SCAMP1: variants seen among roughly 807,000 people sequenced by gnomAD.
The protein encoded by SCAMP1 is secretory carrier-associated membrane protein 1.
SCAMP1 carries 15 observed loss-of-function variants against 41.8 expected under a neutral mutation model. That is an observed-to-expected ratio of 0.36 (90% CI 0.24 to 0.55). The LOEUF is 0.55. Ranked by LOEUF, SCAMP1 falls within the 20% of genes least tolerant of loss-of-function variation. The pLI is 0.86. For synonymous variants in SCAMP1, 135 were observed against 136.8 expected (o/e 0.99, Z 0.09); for missense variants, 341 against 412.6 (o/e 0.83, Z 1.50).
intron 1 of SCAMP1, among the ~76,000 whole-genome samples, chr5:78,365,957 A>G (rs928460130): frequency 2.0e-5 from 3 of 152,190 alleles, no homozygotes; most frequent in Non-Finnish European, 4.4e-5. Context: ...AACAAAGTAT[A>G]GTACCTCACA....
intron 7 of SCAMP1, among the ~76,000 whole-genome samples, chr5:78,456,783 C>G: frequency 7.6e-6 from 1 of 132,320 alleles, no homozygotes; most frequent in Non-Finnish European, 1.6e-5. Flanking sequence ...AGAGTGTTTT[C>G]CAACTTGGTT....
intron 2 of SCAMP1, among the ~76,000 whole-genome samples, chr5:78,391,631 G>T (rs1447124667): frequency 6.6e-6 from 1 of 152,168 alleles, no homozygotes; most frequent in African/African-American, 2.4e-5. Flanking sequence ...CTGCACTCCC[G>T]GCACTTTGGG....
chr5:78,413,960 TTTC>T (rs1442152138), intron 2 of SCAMP1, among the ~76,000 whole-genome samples: 1 of 152,038 alleles, frequency 6.6e-6, no homozygotes, highest in Non-Finnish European at 1.5e-5. Context: ...CTTTCTTTCC[TTTC>T]TTCTTTTCTT....
chr5:78,362,660 T>C (rs1377152103), intron 1 of SCAMP1, among the ~76,000 whole-genome samples: 3 of 152,226 alleles, frequency 2.0e-5, no homozygotes, highest in African/African-American at 7.2e-5. Context: ...ATGATCTTTC[T>C]CTGTTTTTGG....
rs1222825718 is a variant in SCAMP1 at position 78,421,895 on chromosome 5, G to A, written c.567G>A (p.Leu189=). The change falls in exon 6 of 9, where the codon CTG becomes CTA. Residue 189 remains leucine, a synonymous_variant. Coordinates refer to ENST00000621999, the MANE Select transcript of SCAMP1 (RefSeq NM_004866.6). ...ARAVDFGLSI[L]WFLLFTPCSF... ...CGGTTGATTTTGGATTGAGTATCCT[G>A]TGGTTCTTGCTTTTTACTCCTTGTT... 4.3e-6 allele frequency: 7 copies of A among 1,613,620 alleles called. No individual in the cohort carries two copies. The highest frequency in any genetic ancestry group is 5.1e-6 in the Non-Finnish European group (6 of 1,179,734).
intron 8 of SCAMP1, among the ~76,000 whole-genome samples, chr5:78,463,869 C>CT (rs33923232): frequency 0.79 from 119,045 of 150,060 alleles, 47,565 homozygotes; most frequent in East Asian, 0.92. Context: ...CTTAATGAAG[C>CT]TTTTTTTTTT....
At chr5:78,401,190 C>T (rs1295611673) in intron 2 of SCAMP1, among the ~76,000 whole-genome samples, 1 of 151,924 alleles carries the variant, frequency 6.6e-6, no homozygotes, top group African/African-American at 2.4e-5. Flanking sequence ...GAGAAAATCC[C>T]ACTTGGTTTT....
intron 8 of SCAMP1, among the ~76,000 whole-genome samples, chr5:78,472,472 G>A (rs1753909202): frequency 6.6e-6 from 1 of 151,694 alleles, no homozygotes; most frequent in African/African-American, 2.4e-5. Context: ...TCAGCAGTAT[G>A]AATTATTAAT....
intron 6 of SCAMP1, among the ~76,000 whole-genome samples, chr5:78,429,741 T>TA (rs1752556807): frequency 1.3e-5 from 2 of 152,120 alleles, no homozygotes; most frequent in Non-Finnish European, 2.9e-5. Context: ...TTGGACAGAA[T>TA]ACTGAAATGG....
At chr5:78,423,058 A>G (rs2112150676) in intron 6 of SCAMP1, among the ~76,000 whole-genome samples, 1 of 152,254 alleles carries the variant, frequency 6.6e-6, no homozygotes, top group South Asian at 2.1e-4. Context: ...ACACAGAGTT[A>G]GAAACCCAGA....
At position 78,368,956 on chromosome 5, in the gene SCAMP1, G is replaced by A. The variant is rs1270775774; in HGVS notation, c.57+8228G>A. Among the ~76,000 whole-genome samples the A allele has an allele frequency of 2.6e-5, 4 of 151,910 alleles. No homozygotes were observed. In the East Asian group the frequency reaches 5.9e-4, roughly 22 times the overall value. On this transcript the variant is annotated intron_variant, in intron 1 of 8. Coordinates refer to ENST00000621999, the MANE Select transcript of SCAMP1 (RefSeq NM_004866.6). ...GGCCTGACAATGCTCTTTTGGTAGG[G>A]CATTCTCCAGCACTTGCAGAAATTC... is the stretch of plus-strand genomic sequence containing the variant.
rs980115732 is a variant in SCAMP1, at chr5:78,412,051, C to T, written c.136-3469C>T. ...TTTTTCTTTTGTATTTTGTAAGCTG[C>T]CTGTTCAGAGTTTTTAAAAATGCAG... On this transcript the variant is annotated intron_variant, in intron 2 of 8. Coordinates refer to ENST00000621999, the MANE Select transcript of SCAMP1 (RefSeq NM_004866.6). Among the ~76,000 whole-genome samples, 316 of 151,708 alleles carry T rather than the reference C, an allele frequency of 2.1e-3. 1 individual carries two copies. The highest frequency in any genetic ancestry group is 7.3e-3 in the African/African-American group (303 of 41,280).
chr5:78,456,658 G>A (rs993624428), intron 7 of SCAMP1, among the ~76,000 whole-genome samples: 2 of 150,594 alleles, frequency 1.3e-5, no homozygotes, highest in African/African-American at 4.9e-5. Flanking sequence ...TGACAATAAT[G>A]TGTCTTGGAG....
At chr5:78,455,133 A>G (rs2112220033) in intron 7 of SCAMP1, among the ~76,000 whole-genome samples, 1 of 150,586 alleles carries the variant, frequency 6.6e-6, no homozygotes, top group Admixed American at 6.6e-5. Flanking sequence ...TCAAAAAACC[A>G]GCTCCTGGAT....
At chr5:78,437,082 C>A (rs1359750875) in intron 6 of SCAMP1, among the ~76,000 whole-genome samples, 2 of 152,166 alleles carry the variant, frequency 1.3e-5, no homozygotes, top group African/African-American at 2.4e-5. Flanking sequence ...TATCCTGAGA[C>A]TTTGCTGAAG....
chr5:78,417,070 A>G (rs1752228020), intron 4 of SCAMP1, among the ~76,000 whole-genome samples: 1 of 152,194 alleles, frequency 6.6e-6, no homozygotes, highest in Non-Finnish European at 1.5e-5. Flanking sequence ...ATTTTGTCAA[A>G]TCATGTTAGA....
At chr5:78,420,115 G>T (rs1752304662) in intron 5 of SCAMP1, among the ~76,000 whole-genome samples, 1 of 152,050 alleles carries the variant, frequency 6.6e-6, no homozygotes. Flanking sequence ...GAGTGCAATG[G>T]CACGATCTTG....
At position 78,459,352 on chromosome 5, in the gene SCAMP1, T is replaced by C. The variant is rs1246887768; in HGVS notation, c.842T>C (p.Met281Thr). The change falls in exon 8 of 9, where the codon ATG becomes ACG. Residue 281 changes from methionine (M) to threonine (T), a missense_variant. Met to Thr is a moderately conservative substitution (Grantham distance 81, BLOSUM62 -1). Coordinates refer to ENST00000621999, the MANE Select transcript of SCAMP1 (RefSeq NM_004866.6). ...GCATCAGCAGTCATCTCACTAGTTA[T>C]GTTCAAAAAAGTAAGTGAAATTTTA... ...FTASAVISLVMFKKVHGLYRT... is the reference protein window; with the variant it reads ...FTASAVISLVTFKKVHGLYRT... 2.0e-6 allele frequency: 3 copies of C among 1,514,168 alleles called. No individual in the cohort carries two copies. The highest frequency in any genetic ancestry group is 1.8e-5 in the Admixed American group (1 of 56,804). The allele number at this position is 1,514,168 out of a possible 1,614,324, so 93.8% of individuals were successfully genotyped here.
chr5:78,459,116 A>G (rs1244644675), intron 7 of SCAMP1, 129 bp from the exon 8 acceptor site: 1 of 633,340 alleles, frequency 1.6e-6, no homozygotes, highest in Non-Finnish European at 2.8e-6. Context: ...TGAGAATTAA[A>G]TGCACTAATA....
Sources: gnomAD v4.1 joint callset for allele counts (sites outside exome capture counted in the v4.1 genomes callset) on GRCh38, gnomAD v4.1.1 for gene constraint, MANE v1.5 for transcripts, NCBI Gene and HGNC (gene_info 2026-07-23, HGNC 2026-07-21) for gene names.